CPEB1: variants seen among roughly 807,000 people sequenced by gnomAD.
The protein encoded by CPEB1 is cytoplasmic polyadenylation element binding protein 1.
CPEB1 carries 7 observed loss-of-function variants against 65.8 expected under a neutral mutation model. The observed-to-expected ratio is 0.11, with a 90% confidence interval of 0.06 to 0.20. The LOEUF (loss-of-function observed/expected upper bound fraction) is 0.20. Among genes scored for constraint, CPEB1 ranks in the 10% least tolerant of loss-of-function variants. The pLI is 1.00. For synonymous variants in CPEB1, 262 were observed against 260.0 expected (o/e 1.01, Z -0.08); for missense variants, 551 against 712.2 (o/e 0.77, Z 2.58).
At chr15:82,631,694 T>G (rs2046259430) in intron 1 of CPEB1, among the ~76,000 whole-genome samples, 1 of 152,180 alleles carries the variant, frequency 6.6e-6, no homozygotes, top group Non-Finnish European at 1.5e-5. Context: ...CTATGGCAAC[T>G]ATTTCTCTGA....
chr15:82,590,727 T>G (rs376231207), intron 3 of CPEB1, among the ~76,000 whole-genome samples: 1 of 152,200 alleles, frequency 6.6e-6, no homozygotes, highest in African/African-American at 2.4e-5. Context: ...TGTGTCCATA[T>G]GTCCTTATCA....
rs972746422 is a variant in CPEB1 at position 82,612,275 on chromosome 15, T to A, written c.271+14918A>T. On this transcript the variant is annotated intron_variant, in intron 3 of 12. Transcript: ENST00000684509. ...ACTTTGGAAAGCTGAGGCGGGTGGATTGCCTGAGGTCAGGAGTTCGAGACC... is the reference window on the plus strand; with the variant it reads ...ACTTTGGAAAGCTGAGGCGGGTGGAATGCCTGAGGTCAGGAGTTCGAGACC... Among the ~76,000 whole-genome samples the A allele has an allele frequency of 3.1e-4, 47 of 151,808 alleles. No individual in the cohort carries two copies. In the Middle Eastern group the frequency reaches 0.014, roughly 44 times the overall value.
intron 1 of CPEB1, chr15:82,638,466 A>G (rs919568491): frequency 1.3e-5 from 2 of 152,260 alleles, no homozygotes; most frequent in Non-Finnish European, 2.9e-5. Flanking sequence ...GTGGTGGCAG[A>G]TAAAGGTCTT....
intron 3 of CPEB1, among the ~76,000 whole-genome samples, chr15:82,590,974 C>T (rs1353613379): frequency 1.3e-5 from 2 of 152,164 alleles, no homozygotes; most frequent in Admixed American, 1.3e-4. Context: ...CTGCAATGAA[C>T]ATATGTGTGC....
chr15:82,549,819 A>G (rs1411682407), intron 9 of CPEB1, among the ~76,000 whole-genome samples, 161 bp from the exon 10 acceptor site: 3 of 152,184 alleles, frequency 2.0e-5, no homozygotes, highest in Non-Finnish European at 4.4e-5. Context: ...GGCGTCCAAT[A>G]AACCACCCTG....
At chr15:82,604,412 G>A (rs1049607323) in intron 3 of CPEB1, among the ~76,000 whole-genome samples, 1 of 151,650 alleles carries the variant, frequency 6.6e-6, no homozygotes, top group African/African-American at 2.4e-5. Context: ...AACCCAGGAG[G>A]CGGAGCTTGC....
chr15:82,628,709 A>T (rs1015791408), intron 1 of CPEB1, 153 bp from the exon 2 acceptor site: 1 of 460,366 alleles, frequency 2.2e-6, no homozygotes, highest in Non-Finnish European at 3.8e-6. Flanking sequence ...CACCTTTGCC[A>T]CCCCTGAGAG....
chr15:82,635,418 T>G (rs1293120997), intron 1 of CPEB1, among the ~76,000 whole-genome samples: 1 of 152,182 alleles, frequency 6.6e-6, no homozygotes, highest in East Asian at 1.9e-4. Flanking sequence ...TGGCTCTACT[T>G]TAATGACTCT....
intron 3 of CPEB1, among the ~76,000 whole-genome samples, chr15:82,588,845 T>C (rs1351797181): frequency 2.0e-5 from 3 of 152,278 alleles, no homozygotes; most frequent in Admixed American, 6.5e-5. Context: ...ATAGAACCCA[T>C]TGTTTAAATC....
At position 82,543,467 on chromosome 15, in the gene CPEB1, A is replaced by ATTT. The variant is rs2034636209; in HGVS notation, c.*1124_*1125insAAA. ...TGGGTTTTTTGTTTCTTTTTAAAAA[A>ATTT]AAAAAAAAAAAAAAAAAGGAAAGAA... is the stretch of plus-strand genomic sequence containing the variant. On this transcript the variant is annotated 3_prime_UTR_variant, in exon 13 of 13. Coordinates refer to ENST00000684509, the MANE Select transcript of CPEB1 (RefSeq NM_001365242.1). The ATTT allele has an allele frequency of 6.7e-5, 10 of 149,272 alleles. No homozygotes were observed. The highest frequency in any genetic ancestry group is 2.3e-4 in the African/African-American group (9 of 39,774). 9.2% of individuals were successfully genotyped at this position (149,272 alleles called of 1,614,324 possible). A position where few individuals can be genotyped will look rare whatever the true frequency, so the allele number is the denominator to read the frequency against.
intron 3 of CPEB1, among the ~76,000 whole-genome samples, chr15:82,588,396 G>A (rs373659333): frequency 9.9e-5 from 15 of 152,078 alleles, no homozygotes; most frequent in African/African-American, 3.1e-4. Flanking sequence ...ATGTATACAA[G>A]CATGTATACA....
At chr15:82,555,237 G>A (rs2036992134) in intron 6 of CPEB1, among the ~76,000 whole-genome samples, 1 of 152,170 alleles carries the variant, frequency 6.6e-6, no homozygotes, top group Admixed American at 6.5e-5. Context: ...CCCAGGCTGG[G>A]CAACTCCTCG....
chr15:82,546,298 C>T (rs1345377952), intron 12 of CPEB1, 143 bp downstream of exon 12: 26 of 666,782 alleles, frequency 3.9e-5, no homozygotes, highest in East Asian at 2.1e-4. Flanking sequence ...TTAATAGAGA[C>T]GGGGTTTCAC....
At position 82,625,857 on chromosome 15, in the gene CPEB1, G is replaced by T. The variant is rs556993646; in HGVS notation, c.271+1336C>A. On this transcript the variant is annotated intron_variant, in intron 3 of 12. Transcript: ENST00000684509. ...AAACAGGCCAGGCACAGTGGCTCGT[G>T]CCTGTAATCCCAGCACTTTGGGAGG... is the stretch of plus-strand genomic sequence containing the variant. Among the ~76,000 whole-genome samples, 5 of 152,282 alleles carry T rather than the reference G, an allele frequency of 3.3e-5. No homozygotes were observed. The South Asian group carries it at 8.3e-4, about 25-fold the overall frequency.
intron 2 of CPEB1, among the ~76,000 whole-genome samples, chr15:82,627,723 G>C (rs1385938359): frequency 6.6e-6 from 1 of 152,182 alleles, no homozygotes; most frequent in Non-Finnish European, 1.5e-5. Flanking sequence ...TGGGCCTTAA[G>C]GGAAAAGGTA....
In CPEB1 at chr15:82,549,442, C is replaced by A. The variant is rs764359901; in HGVS notation, c.1480+18G>T. Reference sequence around the variant, plus strand: ...CAGGGGCCAACCAAGCTTTCGCACACAGAAGTGGGACACTTACCAATGGGA... The same window carrying A: ...CAGGGGCCAACCAAGCTTTCGCACAAAGAAGTGGGACACTTACCAATGGGA... On this transcript the variant is annotated intron_variant, in intron 10 of 12. Coordinates refer to ENST00000684509, the MANE Select transcript of CPEB1 (RefSeq NM_001365242.1). The A allele has an allele frequency of 6.2e-6, 10 of 1,614,032 alleles. No homozygotes were observed. The highest frequency in any genetic ancestry group is 8.5e-6 in the Non-Finnish European group (10 of 1,180,000).
chr15:82,638,174 G>A (rs1437386157), intron 1 of CPEB1, among the ~76,000 whole-genome samples: 1 of 152,094 alleles, frequency 6.6e-6, no homozygotes, highest in African/African-American at 2.4e-5. Context: ...AGACAACTGT[G>A]GCTATTAATA....
chr15:82,632,207 C>T (rs1362430328), intron 1 of CPEB1, among the ~76,000 whole-genome samples: 1 of 152,036 alleles, frequency 6.6e-6, no homozygotes, highest in Non-Finnish European at 1.5e-5. Context: ...TGGTCTTGAT[C>T]TCCTGACCTC....
chr15:82,609,878 T>C (rs1057420745), intron 3 of CPEB1, among the ~76,000 whole-genome samples: 25 of 151,976 alleles, frequency 1.6e-4, no homozygotes, highest in South Asian at 6.2e-4. Flanking sequence ...CCAATCAACA[T>C]AGAAAAACTC....
Sources: gnomAD v4.1 joint callset for allele counts (sites outside exome capture counted in the v4.1 genomes callset) on GRCh38, gnomAD v4.1.1 for gene constraint, MANE v1.5 for transcripts, NCBI Gene and HGNC (gene_info 2026-07-23, HGNC 2026-07-21) for gene names.